Variants in XKR6 observed in about 807,000 individuals in gnomAD.
XKR6 encodes the protein XK-related protein 6.
Under a neutral mutation model 56.7 loss-of-function variants are expected in XKR6, and 22 were observed. The observed-to-expected ratio is 0.39, with a 90% confidence interval of 0.28 to 0.55. The LOEUF is 0.55. XKR6 is among the 20% of genes least tolerant of loss of function. The pLI is 0.66. For missense variants in XKR6, 852 were observed against 889.0 expected, an observed-to-expected ratio of 0.96 and a Z score of 0.53; for synonymous variants, 524 against 387.8, an observed-to-expected ratio of 1.35 and a Z score of -4.13.
At chr8:10,982,142 A>G (rs1218604772) in intron 1 of XKR6, among the ~76,000 whole-genome samples, 1 of 152,242 alleles carries the variant, frequency 6.6e-6, no homozygotes, top group Non-Finnish European at 1.5e-5. Flanking sequence ...CCCTTGTCTG[A>G]TGACTTTCTT....
chr8:10,940,799 C>T (rs77724127), intron 1 of XKR6, among the ~76,000 whole-genome samples: 4,288 of 152,264 alleles, frequency 0.028, 222 homozygotes, highest in African/African-American at 0.098. Context: ...AATAGGCCGG[C>T]GGGCCCATCA....
intron 1 of XKR6, among the ~76,000 whole-genome samples, chr8:10,975,010 T>C (rs949795323): frequency 6.6e-6 from 1 of 152,116 alleles, no homozygotes; most frequent in Non-Finnish European, 1.5e-5. Context: ...AAAAAGAACA[T>C]CTGGTTTCAA....
chr8:10,976,172 T>A (rs1302941740), intron 1 of XKR6, among the ~76,000 whole-genome samples: 3 of 147,612 alleles, frequency 2.0e-5, no homozygotes, highest in Non-Finnish European at 4.4e-5. Flanking sequence ...CAAGACTCCA[T>A]CTCAAGAAAA....
At chr8:11,146,811 G>A (rs1419710842) in intron 1 of XKR6, among the ~76,000 whole-genome samples, 1 of 151,982 alleles carries the variant, frequency 6.6e-6, no homozygotes, top group Admixed American at 6.6e-5. Context: ...AGGAAATCCT[G>A]CCATTTGTGA....
At chr8:10,977,714 G>T (rs1276502352) in intron 1 of XKR6, among the ~76,000 whole-genome samples, 1 of 150,670 alleles carries the variant, frequency 6.6e-6, no homozygotes, top group Non-Finnish European at 1.5e-5. Flanking sequence ...CAGTGCAGGG[G>T]TCATAGAACG....
chr8:11,018,931 G>C (rs149704553), intron 1 of XKR6, among the ~76,000 whole-genome samples: 81 of 152,222 alleles, frequency 5.3e-4, no homozygotes, highest in African/African-American at 1.9e-3. Flanking sequence ...TGTCTCTCCT[G>C]CCACCATGCT....
intron 1 of XKR6, among the ~76,000 whole-genome samples, chr8:11,199,654 T>G (rs1021835362): frequency 7.2e-5 from 11 of 152,324 alleles, no homozygotes; most frequent in African/African-American, 2.6e-4. Flanking sequence ...TGGGTTCATT[T>G]CCTCAGTTTA....
chr8:11,192,205 C>A (rs1163403509), intron 1 of XKR6, among the ~76,000 whole-genome samples: 1 of 151,854 alleles, frequency 6.6e-6, no homozygotes, highest in Admixed American at 6.6e-5. Context: ...GTCACTGAGG[C>A]TGCAGTGCAG....
At chr8:11,070,915 C>A (rs917567252) in intron 1 of XKR6, among the ~76,000 whole-genome samples, 2 of 152,134 alleles carry the variant, frequency 1.3e-5, no homozygotes, top group Admixed American at 1.3e-4. Context: ...GAGTACATGG[C>A]AGGTAAGAAT....
At chr8:10,975,759 C>G (rs970376480) in intron 1 of XKR6, among the ~76,000 whole-genome samples, 29 of 152,356 alleles carry the variant, frequency 1.9e-4, no homozygotes, top group African/African-American at 6.5e-4. Context: ...GGCCGAGTCA[C>G]ACTGTGTCTG....
intron 1 of XKR6, chr8:11,128,885 C>G: frequency 2.2e-6 from 1 of 456,886 alleles, no homozygotes; most frequent in South Asian, 1.5e-5. Flanking sequence ...CATCTCTTGC[C>G]TTGGTCACTG....
At chr8:10,979,758 G>A (rs1473091266) in intron 1 of XKR6, among the ~76,000 whole-genome samples, 6 of 152,190 alleles carry the variant, frequency 3.9e-5, no homozygotes, top group Admixed American at 1.3e-4. Flanking sequence ...TGGACCCTCC[G>A]TAGGGGTTTT....
intron 1 of XKR6, among the ~76,000 whole-genome samples, chr8:10,961,787 C>A (rs1272716585): frequency 6.6e-6 from 1 of 152,208 alleles, no homozygotes; most frequent in Non-Finnish European, 1.5e-5. Flanking sequence ...CCACAGTTGT[C>A]CAGTTCTTAT....
At chr8:11,198,852 C>A (rs1804038257) in intron 1 of XKR6, among the ~76,000 whole-genome samples, 1 of 151,968 alleles carries the variant, frequency 6.6e-6, no homozygotes, top group Admixed American at 6.6e-5. Flanking sequence ...CTTCCCCATA[C>A]TTTTTGTCCC....
At chr8:11,035,072 C>T (rs755361316) in intron 1 of XKR6, 1 of 413,296 alleles carries the variant, frequency 2.4e-6, no homozygotes, top group East Asian at 7.2e-5. Flanking sequence ...TCTTTCTGAG[C>T]TTCGGTTTCC....
At chr8:11,086,133 A>AAAATATAT (rs1554454121) in intron 1 of XKR6, among the ~76,000 whole-genome samples, 4 of 90,068 alleles carry the variant, frequency 4.4e-5, no homozygotes, top group African/African-American at 1.1e-4. Flanking sequence ...TTAAAAAGAA[A>AAAATATAT]ATATATATAT....
chr8:11,078,663 C>T (rs894111398), intron 1 of XKR6, among the ~76,000 whole-genome samples: 3 of 152,172 alleles, frequency 2.0e-5, no homozygotes, highest in African/African-American at 7.2e-5. Context: ...TTGATGGAGG[C>T]CCCCCATGAC....
chr8:10,960,844 T>C (rs1802038541), intron 1 of XKR6, among the ~76,000 whole-genome samples: 1 of 152,196 alleles, frequency 6.6e-6, no homozygotes, highest in Non-Finnish European at 1.5e-5. Context: ...TTCTAGGAGC[T>C]TGGGAGATCG....
chr8:10,923,909 T>A (rs1800798886), intron 2 of XKR6, among the ~76,000 whole-genome samples: 1 of 152,204 alleles, frequency 6.6e-6, no homozygotes, highest in Non-Finnish European at 1.5e-5. Flanking sequence ...TTCAGCAACT[T>A]CTTGCCTTGA....
Sources: allele counts gnomAD v4.1 joint callset (sites outside exome capture counted in the v4.1 genomes callset), GRCh38; gene constraint gnomAD v4.1.1; transcripts MANE v1.5; gene names NCBI Gene and HGNC (gene_info 2026-07-23, HGNC 2026-07-21).